The following ERG variants were observed in gnomAD, a reference collection of about 807,000 sequenced individuals.
ERG encodes the protein ETS transcription factor ERG, also known as transcriptional regulator ERG.
In ERG, 9 loss-of-function variants were observed where a neutral mutation model predicts 55.3. The observed-to-expected ratio is 0.16, with a 90% CI of 0.10 to 0.28. ERG has a LOEUF of 0.28. Among genes scored for constraint, ERG ranks in the 10% least tolerant of loss-of-function variants. The probability of loss-of-function intolerance (pLI) is 1.00; values close to 1 mark genes in which losing one functional copy is unlikely to be tolerated. For missense variants in ERG, 434 were observed against 631.6 expected (o/e 0.69, Z 3.35); for synonymous variants, 223 against 237.3 (o/e 0.94, Z 0.55).
intron 1 of ERG, among the ~76,000 whole-genome samples, chr21:38,633,796 C>T (rs2060371399): frequency 6.6e-6 from 1 of 151,766 alleles, no homozygotes. Flanking sequence ...ATTTGAAGTG[C>T]CGAATTATTT....
rs367888115 is a variant in ERG, at chr21:38,550,047, A to C, written c.-41+25615T>G. ...TCCTCATTGGTCAGAGTCACCCTGC[A>C]TGTCTGGGTTGTCACCTGCTCCCAA... On this transcript the variant is annotated intron_variant, in intron 2 of 8. Coordinates refer to the ERG transcript ENST00000398897. 1.4e-4 allele frequency among the ~76,000 whole-genome samples: 22 copies of C among 152,286 alleles called. No individual in the cohort carries two copies. In the East Asian group the frequency reaches 2.1e-3, roughly 15 times the overall value.
intron 1 of ERG, among the ~76,000 whole-genome samples, chr21:38,462,630 C>T (rs1476447921): frequency 6.6e-6 from 1 of 152,136 alleles, no homozygotes; most frequent in African/African-American, 2.4e-5. Context: ...TTTTTTAAAG[C>T]CAATATTGAG....
intron 1 of ERG, among the ~76,000 whole-genome samples, chr21:38,488,675 A>G (rs1462895176): frequency 6.6e-6 from 1 of 152,242 alleles, no homozygotes; most frequent in African/African-American, 2.4e-5. Flanking sequence ...TAAAGAAAGC[A>G]AAATCTAAAA....
intron 1 of ERG, chr21:38,451,260 C>T (rs1416298909): frequency 1.0e-5 from 5 of 491,364 alleles, no homozygotes; most frequent in South Asian, 6.0e-5. Flanking sequence ...AAGGACTTCT[C>T]TAGGTATACC....
upstream of ERG, among the ~76,000 whole-genome samples, chr21:38,586,116 AT>A (rs531691851): frequency 1.1e-3 from 165 of 146,518 alleles, no homozygotes; most frequent in African/African-American, 3.7e-3. Context: ...AAAATTATTT[AT>A]TTTTTAAACC....
intron 1 of ERG, among the ~76,000 whole-genome samples, chr21:38,647,662 C>T (rs2060465291): frequency 6.6e-6 from 1 of 152,330 alleles, no homozygotes; most frequent in Admixed American, 6.5e-5. Flanking sequence ...GTCACTACTT[C>T]TTGCTGGTTT....
At chr21:38,374,103 C>T in the ERG span, among the ~76,000 whole-genome samples, 1 of 152,186 alleles carries the variant, frequency 6.6e-6, no homozygotes, top group East Asian at 1.9e-4. Flanking sequence ...TCTCCCAAAA[C>T]TGCTTATTAT....
At chr21:38,531,129 A>G (rs2059669361) in intron 2 of ERG, among the ~76,000 whole-genome samples, 1 of 152,204 alleles carries the variant, frequency 6.6e-6, no homozygotes. Context: ...GAACACGTGG[A>G]GCTTATGGTC....
intron 3 of ERG, among the ~76,000 whole-genome samples, chr21:38,418,927 C>CA (rs35001409): frequency 8.3e-4 from 67 of 80,786 alleles, no homozygotes; most frequent in African/African-American, 1.2e-3. Context: ...GACTTTGTCT[C>CA]AAAAAAAAAA....
At chr21:38,479,323 T>C (rs977992857) in intron 1 of ERG, among the ~76,000 whole-genome samples, 2 of 152,136 alleles carry the variant, frequency 1.3e-5, no homozygotes, top group Non-Finnish European at 2.9e-5. Context: ...GCAACCGTTG[T>C]TTGTTGGTGA....
intron 2 of ERG, among the ~76,000 whole-genome samples, chr21:38,537,205 A>G (rs2059717107): frequency 6.6e-6 from 1 of 152,166 alleles, no homozygotes; most frequent in Admixed American, 6.5e-5. Context: ...AATTCTTATG[A>G]GAAAACTCTA....
At chr21:38,405,399 C>T (rs377589695) in intron 3 of ERG, among the ~76,000 whole-genome samples, 1 of 152,174 alleles carries the variant, frequency 6.6e-6, no homozygotes, top group East Asian at 1.9e-4. Context: ...CATCTCCATG[C>T]ATACGCGTGA....
intron 2 of ERG, among the ~76,000 whole-genome samples, chr21:38,563,142 A>G (rs551700417): frequency 3.7e-4 from 57 of 152,348 alleles, no homozygotes; most frequent in South Asian, 1.0e-3. Context: ...GAACAGACAC[A>G]GCTCAGTGAA....
At chr21:38,508,008 CAG>C (rs373899645) in intron 2 of ERG, among the ~76,000 whole-genome samples, 1 of 148,638 alleles carries the variant, frequency 6.7e-6, no homozygotes, top group East Asian at 2.0e-4. Context: ...TGCACACACA[CAG>C]AGACACACAA....
chr21:38,398,842 T>C (rs1988353619), intron 6 of ERG, among the ~76,000 whole-genome samples: 2 of 152,200 alleles, frequency 1.3e-5, no homozygotes, highest in African/African-American at 2.4e-5. Flanking sequence ...TTTATAATAC[T>C]AGCTCACAAC....
the ERG span, chr21:38,367,598 C>G: frequency 1.9e-6 from 1 of 521,278 alleles, no homozygotes; most frequent in African/African-American, 1.9e-5. Flanking sequence ...AAGTCACACA[C>G]TGTCACATCT....
intron 2 of ERG, among the ~76,000 whole-genome samples, chr21:38,559,491 T>C (rs2059879508): frequency 6.7e-6 from 1 of 148,236 alleles, no homozygotes; most frequent in Non-Finnish European, 1.5e-5. Context: ...GCCAGCACGA[T>C]TTAGTCATTT....
At chr21:38,526,968 T>G (rs950216215) in intron 2 of ERG, among the ~76,000 whole-genome samples, 2 of 152,166 alleles carry the variant, frequency 1.3e-5, no homozygotes, top group Non-Finnish European at 2.9e-5. Flanking sequence ...GGGAGAAAGA[T>G]GATGACTTCC....
chr21:38,655,600 G>C (rs2060514133), intron 1 of ERG, among the ~76,000 whole-genome samples: 1 of 152,202 alleles, frequency 6.6e-6, no homozygotes, highest in Admixed American at 6.5e-5. Context: ...TGTGAGGGGT[G>C]ACATCTGACT....
Sources: gnomAD v4.1 joint callset for allele counts (sites outside exome capture counted in the v4.1 genomes callset) on GRCh38, gnomAD v4.1.1 for gene constraint, MANE v1.5 for transcripts, NCBI Gene and HGNC (gene_info 2026-07-23, HGNC 2026-07-21) for gene names.